The following RCOR1 variants were observed in gnomAD, a reference collection of about 807,000 sequenced individuals.
The protein encoded by RCOR1 is REST corepressor 1.
A neutral mutation model predicts 64.0 loss-of-function variants in RCOR1; 12 were observed. That is an observed-to-expected ratio of 0.19 (90% CI 0.12 to 0.30). The LOEUF (loss-of-function observed/expected upper bound fraction) is 0.30, where lower values mean the gene tolerates loss of function less well. Ranked by LOEUF, RCOR1 falls within the 10% of genes least tolerant of loss-of-function variation. The pLI is 1.00. For missense variants in RCOR1, 502 were observed against 621.2 expected (o/e 0.81, Z 2.04); for synonymous variants, 279 against 227.2 (o/e 1.23, Z -2.05).
At chr14:102,660,763 G>T (rs1266368890) in intron 2 of RCOR1, among the ~76,000 whole-genome samples, 3 of 152,212 alleles carry the variant, frequency 2.0e-5, no homozygotes, top group Non-Finnish European at 4.4e-5. Flanking sequence ...GTTTTTGGCT[G>T]TTGTTAAAGT....
At position 102,730,479 on chromosome 14, in the gene RCOR1, G is replaced by C. The variant is rs1896350339; in HGVS notation, c.*3973G>C. On this transcript the variant is annotated 3_prime_UTR_variant, in exon 12 of 12. Transcript: ENST00000262241. ...TTAGTGGAAATTGGAAAATTTATTT[G>C]TGAAATTCTGCAGAATTCATTTTTC... 6.5e-6 allele frequency: 1 copy of C among 153,354 alleles called. No individual in the cohort carries two copies. The highest frequency in any genetic ancestry group is 2.4e-5 in the African/African-American group (1 of 41,438). The allele number at this position is 153,354 out of a possible 1,614,324, so 9.5% of individuals were successfully genotyped here.
chr14:102,637,527 C>T (rs567561978), intron 2 of RCOR1, among the ~76,000 whole-genome samples: 2 of 152,134 alleles, frequency 1.3e-5, no homozygotes, highest in South Asian at 2.1e-4. Flanking sequence ...CATGGCCCAC[C>T]GCAGCCTTGG....
rs138319836 is a variant in RCOR1 at position 102,608,529 on chromosome 14, C to T, written c.361+15204C>T. 9.4e-3 allele frequency among the ~76,000 whole-genome samples: 1,426 copies of T among 151,986 alleles called. 24 individuals are homozygous for T. Among genetic ancestry groups the T allele is most frequent in the African/African-American group, 0.033 (1,351 of 41,454 alleles). ...AACTCATTGCAACCTCTGCCTCCCT[C>T]GTTCAAGCGATTCTCCTGCCTCAGC... On this transcript the variant is annotated intron_variant, in intron 2 of 11. Transcript: ENST00000262241.
At chr14:102,639,882 C>G (rs555223500) in intron 2 of RCOR1, among the ~76,000 whole-genome samples, 9 of 150,162 alleles carry the variant, frequency 6.0e-5, no homozygotes, top group African/African-American at 2.2e-4. Flanking sequence ...GAGTCTCGCT[C>G]TGTCCCCAGG....
At chr14:102,723,558 C>T (rs1465143925) in intron 11 of RCOR1, among the ~76,000 whole-genome samples, 1 of 152,180 alleles carries the variant, frequency 6.6e-6, no homozygotes, top group Non-Finnish European at 1.5e-5. Context: ...GGTCAGTACC[C>T]CTGAATCACC....
chr14:102,621,367 CTTTTTTTTTTTTT>C (rs35481023), intron 2 of RCOR1, among the ~76,000 whole-genome samples: 1 of 78,514 alleles, frequency 1.3e-5, no homozygotes, highest in African/African-American at 5.1e-5. Context: ...CAGTCTTTGT[CTTTTTTTTTTTTT>C]TTTTTTTTTT....
At chr14:102,665,534 C>A (rs1894902262) in intron 2 of RCOR1, among the ~76,000 whole-genome samples, 1 of 152,114 alleles carries the variant, frequency 6.6e-6, no homozygotes, top group African/African-American at 2.4e-5. Flanking sequence ...GTACCAGGTA[C>A]TTAATATTAA....
chr14:102,709,112 G>C (rs563578447), intron 6 of RCOR1, among the ~76,000 whole-genome samples: 1 of 152,326 alleles, frequency 6.6e-6, no homozygotes, highest in South Asian at 2.1e-4. Context: ...GTAGCATAGA[G>C]AAGTAGAAAT....
intron 2 of RCOR1, among the ~76,000 whole-genome samples, chr14:102,605,828 G>C (rs1015446002): frequency 1.3e-5 from 2 of 152,168 alleles, no homozygotes; most frequent in Non-Finnish European, 2.9e-5. Context: ...TATTGCCTCT[G>C]AAGACCTTCC....
At chr14:102,671,063 C>T (rs1017206516) in intron 2 of RCOR1, among the ~76,000 whole-genome samples, 7 of 152,274 alleles carry the variant, frequency 4.6e-5, no homozygotes, top group African/African-American at 1.2e-4. Context: ...TGTGAGCCAC[C>T]GCACCCAGCC....
chr14:102,707,014 T>C (rs1326710862), intron 4 of RCOR1, among the ~76,000 whole-genome samples: 1 of 152,008 alleles, frequency 6.6e-6, no homozygotes, highest in African/African-American at 2.4e-5. Context: ...AGAAAAATAT[T>C]TTTATTGTAT....
intron 2 of RCOR1, among the ~76,000 whole-genome samples, chr14:102,614,488 T>C (rs1893709450): frequency 6.6e-6 from 1 of 152,090 alleles, no homozygotes; most frequent in Non-Finnish European, 1.5e-5. Flanking sequence ...CCTCCCAAAG[T>C]GCTGGGATTA....
At chr14:102,706,509 A>G (rs187099773) in intron 4 of RCOR1, among the ~76,000 whole-genome samples, 2 of 152,316 alleles carry the variant, frequency 1.3e-5, no homozygotes, top group East Asian at 3.9e-4. Context: ...AAAATGGTAC[A>G]CCTGGTGGGG....
chr14:102,608,944 A>T (rs1037792526), intron 2 of RCOR1, among the ~76,000 whole-genome samples: 2 of 150,910 alleles, frequency 1.3e-5, no homozygotes, highest in African/African-American at 4.9e-5. Flanking sequence ...ATTCATGTAC[A>T]GGTATTTATC....
chr14:102,641,040 T>C, intron 2 of RCOR1, among the ~76,000 whole-genome samples: 1 of 151,522 alleles, frequency 6.6e-6, no homozygotes, highest in East Asian at 1.9e-4. Flanking sequence ...GATCACGAGG[T>C]CAGGAGATCG....
At chr14:102,641,049 C>T (rs183436714) in intron 2 of RCOR1, among the ~76,000 whole-genome samples, 4 of 151,830 alleles carry the variant, frequency 2.6e-5, no homozygotes, top group African/African-American at 4.8e-5. Context: ...GTCAGGAGAT[C>T]GAGACCGTCC....
At chr14:102,604,702 T>G (rs1893469186) in intron 2 of RCOR1, among the ~76,000 whole-genome samples, 1 of 152,138 alleles carries the variant, frequency 6.6e-6, no homozygotes, top group Admixed American at 6.6e-5. Flanking sequence ...CTGTTAATTT[T>G]AAGTATTATA....
intron 2 of RCOR1, among the ~76,000 whole-genome samples, chr14:102,612,431 T>A (rs1893650623): frequency 6.6e-6 from 1 of 151,896 alleles, no homozygotes; most frequent in South Asian, 2.1e-4. Context: ...ACTCCTGCTC[T>A]TAAGCGATCT....
intron 2 of RCOR1, among the ~76,000 whole-genome samples, chr14:102,600,070 T>G (rs1893356891): frequency 6.6e-6 from 1 of 151,118 alleles, no homozygotes; most frequent in African/African-American, 2.4e-5. Context: ...TGTGATTTAT[T>G]TATTTAATTA....
Sources: gnomAD v4.1 joint callset for allele counts (sites outside exome capture counted in the v4.1 genomes callset) on GRCh38, gnomAD v4.1.1 for gene constraint, MANE v1.5 for transcripts, NCBI Gene and HGNC (gene_info 2026-07-23, HGNC 2026-07-21) for gene names.